The following NFIL3 variants were observed in gnomAD, a reference collection of about 807,000 sequenced individuals.
NFIL3 encodes the protein nuclear factor interleukin-3-regulated protein.
In NFIL3, 5 loss-of-function variants were observed where a neutral mutation model predicts 10.0. That is an observed-to-expected ratio of 0.50 (90% CI 0.26 to 1.06). The LOEUF is 1.06. Among genes scored for constraint, NFIL3 ranks in the 50% least tolerant of loss-of-function variants. The pLI, the probability that NFIL3 is intolerant of heterozygous loss-of-function variation, is 0.13. For synonymous variants in NFIL3, 202 were observed against 206.5 expected, an observed-to-expected ratio of 0.98 and a Z score of 0.19; for missense variants, 436 against 547.6, an observed-to-expected ratio of 0.80 and a Z score of 2.03.
chr9:91,482,718 T>G, the NFIL3 span, among the ~76,000 whole-genome samples: 1 of 152,084 alleles, frequency 6.6e-6, no homozygotes, highest in Non-Finnish European at 1.5e-5. Context: ...TTCAGGCTAG[T>G]CTTGAACTCT....
At chr9:91,435,921 C>T in the NFIL3 span, among the ~76,000 whole-genome samples, 1 of 152,262 alleles carries the variant, frequency 6.6e-6, no homozygotes, top group East Asian at 1.9e-4. Context: ...CAATTTTTTA[C>T]AGCATTCAGG....
the NFIL3 span, among the ~76,000 whole-genome samples, chr9:91,466,810 G>T: frequency 6.6e-6 from 1 of 152,088 alleles, no homozygotes; most frequent in Non-Finnish European, 1.5e-5. Flanking sequence ...GACTTGTGAT[G>T]GTTAATGTTA....
At chr9:91,466,818 T>C in the NFIL3 span, among the ~76,000 whole-genome samples, 1 of 152,158 alleles carries the variant, frequency 6.6e-6, no homozygotes, top group African/African-American at 2.4e-5. Context: ...ATGGTTAATG[T>C]TATGCGTCAA....
At chr9:91,439,832 T>C in the NFIL3 span, among the ~76,000 whole-genome samples, 8 of 152,282 alleles carry the variant, frequency 5.3e-5, no homozygotes, top group South Asian at 1.7e-3. Flanking sequence ...TTTGCATATG[T>C]TAAATCAGTG....
At chr9:91,471,093 T>C in the NFIL3 span, among the ~76,000 whole-genome samples, 12 of 152,166 alleles carry the variant, frequency 7.9e-5, no homozygotes, top group African/African-American at 2.9e-4. Flanking sequence ...TTCTGTCTCG[T>C]TGATCTGTCT....
At chr9:91,477,111 G>T in the NFIL3 span, among the ~76,000 whole-genome samples, 2 of 152,126 alleles carry the variant, frequency 1.3e-5, no homozygotes, top group African/African-American at 4.8e-5. Flanking sequence ...GCTGCACTGG[G>T]TTCCCTGATT....
At chr9:91,477,311 A>AC in the NFIL3 span, among the ~76,000 whole-genome samples, 2 of 151,526 alleles carry the variant, frequency 1.3e-5, no homozygotes, top group South Asian at 4.2e-4. Flanking sequence ...CTCACATAGA[A>AC]CCCCCTCGTG....
chr9:91,470,832 G>C, the NFIL3 span, among the ~76,000 whole-genome samples: 1 of 152,194 alleles, frequency 6.6e-6, no homozygotes, highest in Admixed American at 6.5e-5. Flanking sequence ...GTGTGGTTTT[G>C]AGTGAGTTTC....
chr9:91,443,223 G>A, the NFIL3 span, among the ~76,000 whole-genome samples: 1 of 152,194 alleles, frequency 6.6e-6, no homozygotes, highest in Non-Finnish European at 1.5e-5. Context: ...AATGCCTGCT[G>A]ACTGGTCCAT....
the NFIL3 span, among the ~76,000 whole-genome samples, chr9:91,461,017 C>A: frequency 2.6e-5 from 4 of 152,174 alleles, no homozygotes; most frequent in Non-Finnish European, 2.9e-5. Context: ...TTGTCATTTT[C>A]ATTGGGAACA....
At chr9:91,429,753 G>T in the NFIL3 span, among the ~76,000 whole-genome samples, 2 of 152,098 alleles carry the variant, frequency 1.3e-5, no homozygotes, top group African/African-American at 4.8e-5. Flanking sequence ...ATGTAGGTCT[G>T]TGGAGGATTT....
the NFIL3 span, among the ~76,000 whole-genome samples, chr9:91,462,442 T>C: frequency 1.3e-5 from 2 of 152,158 alleles, no homozygotes; most frequent in Non-Finnish European, 2.9e-5. Flanking sequence ...TTTTTCTGCA[T>C]CTATTAATAT....
chr9:91,431,499 G>C, the NFIL3 span, among the ~76,000 whole-genome samples: 1 of 152,214 alleles, frequency 6.6e-6, no homozygotes, highest in African/African-American at 2.4e-5. Flanking sequence ...ATTCCGTGGA[G>C]AGGGGAAAGG....
chr9:91,439,400 GTT>G, the NFIL3 span, among the ~76,000 whole-genome samples: 421 of 151,138 alleles, frequency 2.8e-3, 2 homozygotes, highest in Non-Finnish European at 4.7e-3. Context: ...AGTTCTAACT[GTT>G]TTTTTTCCCT....
At chr9:91,446,491 T>C in the NFIL3 span, among the ~76,000 whole-genome samples, 15,599 of 152,272 alleles carry the variant, frequency 0.1, 879 homozygotes, top group East Asian at 0.23. Flanking sequence ...ATTTTACCCA[T>C]TTTAAAAGTG....
upstream of NFIL3, chr9:91,423,927 C>T (rs1833825469): frequency 6.9e-6 from 1 of 145,592 alleles, no homozygotes. Context: ...CACCCGCCCC[C>T]GGCCCGCCGC....
At chr9:91,450,617 C>A in the NFIL3 span, among the ~76,000 whole-genome samples, 1 of 152,048 alleles carries the variant, frequency 6.6e-6, no homozygotes, top group Non-Finnish European at 1.5e-5. Context: ...TTGTGGCCTA[C>A]CTAACACATG....
the NFIL3 span, among the ~76,000 whole-genome samples, chr9:91,472,592 G>C: frequency 6.6e-6 from 1 of 152,086 alleles, no homozygotes; most frequent in African/African-American, 2.4e-5. Flanking sequence ...GTTTATTCTA[G>C]TTAGCCATTA....
the NFIL3 span, among the ~76,000 whole-genome samples, chr9:91,430,965 A>C: frequency 6.6e-6 from 1 of 152,228 alleles, no homozygotes; most frequent in African/African-American, 2.4e-5. Flanking sequence ...GGCAGGAATC[A>C]TGCCTCAAAA....
Sources: gnomAD v4.1 joint callset for allele counts (sites outside exome capture counted in the v4.1 genomes callset) on GRCh38, gnomAD v4.1.1 for gene constraint, MANE v1.5 for transcripts, NCBI Gene and HGNC (gene_info 2026-07-23, HGNC 2026-07-21) for gene names.